CEP290: variants seen among roughly 807,000 people sequenced by gnomAD.
CEP290 encodes centrosomal protein of 290 kDa.
Under a neutral mutation model 344.9 loss-of-function variants are expected in CEP290, and 317 were observed. The observed-to-expected ratio is 0.92, with a 90% CI of 0.84 to 1.01. CEP290 has a LOEUF of 1.01. Ranked by LOEUF, CEP290 falls within the 50% of genes least tolerant of loss-of-function variation. The pLI, the probability that CEP290 is intolerant of heterozygous loss-of-function variation, is 0.00. For synonymous variants in CEP290, 932 were observed against 895.8 expected (o/e 1.04, Z -0.72); for missense variants, 2,754 against 2,761.4 (o/e 1.00, Z 0.06).
chr12:88,077,038 C>G (rs1048087936), intron 41 of CEP290, among the ~76,000 whole-genome samples, 184 bp downstream of exon 41: 1 of 151,968 alleles, frequency 6.6e-6, no homozygotes, highest in Non-Finnish European at 1.5e-5. Flanking sequence ...ACTCTAAATT[C>G]CTACAGAACA....
chr12:88,054,723 T>C (rs1419788782), intron 50 of CEP290, among the ~76,000 whole-genome samples: 2 of 152,036 alleles, frequency 1.3e-5, no homozygotes, highest in Admixed American at 6.6e-5. Context: ...TAGTGCCAGA[T>C]GGTAGGAAGA....
chr12:88,127,162 C>T (rs1158021538), intron 11 of CEP290, among the ~76,000 whole-genome samples: 1 of 8,118 alleles, frequency 1.2e-4, no homozygotes, highest in African/African-American at 1.8e-4. Context: ...CATGATACTC[C>T]TTACATCAAA....
chr12:88,119,886 G>A (rs1254634283), intron 15 of CEP290, among the ~76,000 whole-genome samples: 1 of 152,002 alleles, frequency 6.6e-6, no homozygotes, highest in East Asian at 1.9e-4. Context: ...GGAGATGCTA[G>A]ACCAAATAAA....
intron 28 of CEP290, among the ~76,000 whole-genome samples, chr12:88,093,400 G>C (rs558289019): frequency 6.6e-6 from 1 of 152,016 alleles, no homozygotes; most frequent in Non-Finnish European, 1.5e-5. Context: ...GTCCCTGAAA[G>C]TAGAGATTAT....
chr12:88,118,808 T>C lies in CEP290; in HGVS notation c.1523-65A>G, dbSNP rs559213754. ...TCAAATAAGCTGCAAAAATGTCATA[T>C]ACCATCAAGCAACTGGTTATAATTC... On this transcript the variant is annotated intron_variant, in intron 15 of 53. Transcript: ENST00000552810. 38 of 1,103,502 alleles carry C rather than the reference T, an allele frequency of 3.4e-5. No homozygotes were observed. The South Asian group carries it at 5.5e-4, about 16-fold the overall frequency. The allele number at this position is 1,103,502 out of a possible 1,614,324, so 68.4% of individuals were successfully genotyped here.
rs2033254449 is a variant in CEP290, at chr12:88,049,390, C to CT, written c.7233dup (p.Glu2412ArgfsTer6). 5 of 1,502,496 alleles carry CT rather than the reference C, an allele frequency of 3.3e-6. No individual in the cohort carries two copies. Among genetic ancestry groups the CT allele is most frequent in the African/African-American group, 1.4e-5 (1 of 71,608 alleles). The allele number at this position is 1,502,496 out of a possible 1,614,324, so 93.1% of individuals were successfully genotyped here. A position where few individuals can be genotyped will look rare whatever the true frequency, so the allele number is the denominator to read the frequency against. ...AATGAAGGATCAAAATTTTCCAGTT[C>CT]TTTTTTCAGCTTCTTTATTTCCTCC... On this transcript the variant is annotated frameshift_variant, in exon 54 of 54. Coordinates refer to ENST00000552810, the MANE Select transcript of CEP290 (RefSeq NM_025114.4). LOFTEE classifies it high-confidence loss of function.
intron 5 of CEP290, among the ~76,000 whole-genome samples, chr12:88,138,179 C>T (rs930009487): frequency 6.6e-6 from 1 of 152,124 alleles, no homozygotes; most frequent in Admixed American, 6.5e-5. Flanking sequence ...CATCTTCTCC[C>T]TCCATATCCC....
intron 25 of CEP290, among the ~76,000 whole-genome samples, chr12:88,106,423 A>C (rs185099454): frequency 6.6e-6 from 1 of 152,308 alleles, no homozygotes; most frequent in Admixed American, 6.5e-5. Context: ...AATTACTGTC[A>C]TTTTGTTAGG....
intron 26 of CEP290, among the ~76,000 whole-genome samples, chr12:88,097,867 G>A (rs2037554637): frequency 3.3e-5 from 5 of 152,060 alleles, no homozygotes; most frequent in Admixed American, 3.3e-4. Context: ...AGATGATGAT[G>A]TTTACAGTGA....
rs115766839 is a variant in CEP290 at position 88,123,390 on chromosome 12, C to T, written c.1189+1856G>A. Among the ~76,000 whole-genome samples, 1,042 of 152,176 alleles carry T rather than the reference C, an allele frequency of 6.8e-3. 16 individuals carry two copies. The highest frequency in any genetic ancestry group is 0.024 in the African/African-American group (1,003 of 41,516). ...TTCTTTATTACATTTCCTCTCTACC[C>T]ATTTTCTCTTGAACCAAAAATGACC... On this transcript the variant is annotated intron_variant, in intron 13 of 53. Transcript: ENST00000552810.
In CEP290 at chr12:88,106,673, A is replaced by C; in HGVS notation, c.2817+2T>G. ...AAAAAGCAAAATAAGAATCAGATGT[A>C]CCTTAAATCTTTGCAAACACCCAAT... On this transcript the variant is annotated splice_donor_variant, in intron 25 of 53. Coordinates refer to ENST00000552810, the MANE Select transcript of CEP290 (RefSeq NM_025114.4). LOFTEE classifies it high-confidence loss of function. 1.3e-6 allele frequency: 2 copies of C among 1,597,126 alleles called. No individual in the cohort carries two copies. The highest frequency in any genetic ancestry group is 1.7e-6 in the Non-Finnish European group (2 of 1,171,474).
intron 13 of CEP290, 68 bp from the exon 14 acceptor site, chr12:88,121,234 A>C: frequency 8.4e-7 from 1 of 1,194,360 alleles, no homozygotes; most frequent in Non-Finnish European, 1.2e-6. Flanking sequence ...TGATCCCAAC[A>C]TGGTGGCAAG....
At chr12:88,106,957 T>C (rs756247500) in intron 24 of CEP290, 39 bp downstream of exon 24, 7 of 1,550,910 alleles carry the variant, frequency 4.5e-6, no homozygotes, top group African/African-American at 1.4e-5. Context: ...TCCTACTTTG[T>C]ACAATATTGC....
chr12:88,089,503 AT>A lies in CEP290; in HGVS notation c.3574-17del. ...CAGACTGTGCCTGATATTAAAAAAA[AT>A]ATATATTTGTAGTAAGTTTCAAATT... is the stretch of plus-strand genomic sequence containing the variant. On this transcript the variant is annotated splice_polypyrimidine_tract_variant and intron_variant, in intron 30 of 53. Transcript: ENST00000552810. 9.8e-7 allele frequency: 1 copy of A among 1,017,868 alleles called. No individual in the cohort carries two copies. Among genetic ancestry groups the A allele is most frequent in the African/African-American group, 1.6e-5 (1 of 62,628 alleles). The allele number at this position is 1,017,868 out of a possible 1,614,324, so 63.1% of individuals were successfully genotyped here.
In CEP290 at chr12:88,114,537, C is replaced by A; in HGVS notation, c.1935G>T (p.Lys645Asn). 1 of 1,537,610 alleles carries A rather than the reference C, an allele frequency of 6.5e-7. No individual in the cohort carries two copies. The highest frequency in any genetic ancestry group is 2.4e-5 in the East Asian group (1 of 40,838). Reference protein sequence around the residue: ...NKLKELVEENKQLEEGMKEIL... With the variant: ...NKLKELVEENNQLEEGMKEIL... ...TTTCTTTCATACCTTCTTCAAGTTGCTTATTTTCTTCAACTAATTCTTTTA... is the reference window on the plus strand; with the variant it reads ...TTTCTTTCATACCTTCTTCAAGTTGATTATTTTCTTCAACTAATTCTTTTA... The change falls in exon 20 of 54, where the codon AAG becomes AAT. Residue 645 changes from lysine to asparagine, a missense_variant. By Grantham distance (94) the Lys-to-Asn change is moderately conservative. Transcript: ENST00000552810.
chr12:88,141,117 G>A (rs2040627977), intron 2 of CEP290, 84 bp from the exon 3 acceptor site: 6 of 1,294,864 alleles, frequency 4.6e-6, no homozygotes, highest in Middle Eastern at 2.0e-4. Flanking sequence ...GACAATTATA[G>A]TTGTCCCTGA....
At position 88,086,760 on chromosome 12, in the gene CEP290, G is replaced by A. The variant is rs182806614; in HGVS notation, c.4195-262C>T. 6.1e-3 allele frequency among the ~76,000 whole-genome samples: 384 copies of A among 62,774 alleles called. 3 individuals are homozygous for A. Among genetic ancestry groups the A allele is most frequent in the Non-Finnish European group, 9.3e-3 (220 of 23,748 alleles). 41.2% of individuals were successfully genotyped at this position (62,774 alleles called of 152,430 possible). On this transcript the variant is annotated intron_variant, in intron 32 of 53. Transcript: ENST00000552810. ...CCGTTCAGCTATACGAAAGATATTT[G>A]ATGACATATATTATGTGCCAAGCAT...
Position 88,072,039 on chromosome 12 carries a change from A to G in CEP290, c.5710-113T>C. On this transcript the variant is annotated intron_variant, in intron 41 of 53. Coordinates refer to ENST00000552810, the MANE Select transcript of CEP290 (RefSeq NM_025114.4). The stretch of plus-strand genomic sequence containing the variant: ...ATTGTAAACTAATATTTCCTAGAGA[A>G]TATGTAAATATGTTCATTTTGCTAT... 2 of 939,352 alleles carry G rather than the reference A, an allele frequency of 2.1e-6. 1 individual carries two copies. Among genetic ancestry groups the G allele is most frequent in the South Asian group, 4.3e-5 (2 of 46,916 alleles). The allele number at this position is 939,352 out of a possible 1,614,324, so 58.2% of individuals were successfully genotyped here. A position where few individuals can be genotyped will look rare whatever the true frequency, so the allele number is the denominator to read the frequency against.
intron 17 of CEP290, among the ~76,000 whole-genome samples, chr12:88,117,947 A>G (rs2039155252): frequency 6.6e-6 from 1 of 152,008 alleles, no homozygotes; most frequent in African/African-American, 2.4e-5. Flanking sequence ...GAAGCACAAG[A>G]ATCACTAGAA....
Sources: gnomAD v4.1 joint callset for allele counts (sites outside exome capture counted in the v4.1 genomes callset) on GRCh38, gnomAD v4.1.1 for gene constraint, MANE v1.5 for transcripts, NCBI Gene and HGNC (gene_info 2026-07-23, HGNC 2026-07-21) for gene names.